ROBO1: variants seen among roughly 807,000 people sequenced by gnomAD.
ROBO1 encodes the protein roundabout guidance receptor 1.
A neutral mutation model predicts 195.9 loss-of-function variants in ROBO1; 149 were observed. That is an observed-to-expected ratio of 0.76 (90% CI 0.67 to 0.87). The LOEUF is 0.87. Ranked by LOEUF, ROBO1 falls within the 40% of genes least tolerant of loss-of-function variation. ROBO1 has a pLI of 0.00. For missense variants in ROBO1, 1,933 were observed against 2,068.3 expected (o/e 0.93, Z 1.27); for synonymous variants, 816 against 733.2 (o/e 1.11, Z -1.82).
At chr3:78,732,815 G>A (rs979990396) in intron 5 of ROBO1, among the ~76,000 whole-genome samples, 1 of 152,076 alleles carries the variant, frequency 6.6e-6, no homozygotes, top group African/African-American at 2.4e-5. Flanking sequence ...CTTTTGAAAT[G>A]TTCCCATACA....
intron 3 of ROBO1, among the ~76,000 whole-genome samples, chr3:78,956,149 C>CA (rs2041036931): frequency 6.6e-6 from 1 of 152,032 alleles, no homozygotes; most frequent in Non-Finnish European, 1.5e-5. Context: ...TCCTATAGTA[C>CA]ATACTTTAGT....
intron 5 of ROBO1, among the ~76,000 whole-genome samples, chr3:78,736,322 G>A (rs2082391426): frequency 6.6e-6 from 1 of 152,072 alleles, no homozygotes; most frequent in Non-Finnish European, 1.5e-5. Flanking sequence ...AATACAGGTG[G>A]ACTTTCATAT....
chr3:79,399,597 C>T (rs2037286430), intron 2 of ROBO1, among the ~76,000 whole-genome samples: 1 of 152,150 alleles, frequency 6.6e-6, no homozygotes, highest in Non-Finnish European at 1.5e-5. Context: ...CATTCTGGCA[C>T]AGACATGTTT....
intron 6 of ROBO1, 84 bp downstream of exon 6, chr3:78,717,679 A>G (rs2081936115): frequency 6.8e-7 from 1 of 1,463,640 alleles, no homozygotes; most frequent in Non-Finnish European, 9.2e-7. Flanking sequence ...TTGGCTTAAC[A>G]ATTTTTCTTT....
intron 4 of ROBO1, among the ~76,000 whole-genome samples, chr3:78,789,420 C>A (rs976140433): frequency 1.3e-5 from 2 of 152,146 alleles, no homozygotes; most frequent in East Asian, 1.9e-4. Flanking sequence ...AATCTCTCAG[C>A]ACTTTGGAAT....
chr3:79,426,098 G>A (rs189543361), intron 2 of ROBO1, among the ~76,000 whole-genome samples: 13 of 152,088 alleles, frequency 8.5e-5, no homozygotes, highest in African/African-American at 2.2e-4. Context: ...CTGTAATTCC[G>A]TCTAGATACA....
At chr3:78,954,521 G>A (rs527334650) in intron 3 of ROBO1, among the ~76,000 whole-genome samples, 1 of 151,976 alleles carries the variant, frequency 6.6e-6, no homozygotes, top group Non-Finnish European at 1.5e-5. Flanking sequence ...TAATATAGTA[G>A]CTTATTTCAG....
intron 28 of ROBO1, among the ~76,000 whole-genome samples, chr3:78,612,028 T>C (rs1385550528): frequency 6.6e-6 from 1 of 152,170 alleles, no homozygotes. Context: ...AGCAAACTAA[T>C]ACAAGGATTA....
At chr3:78,650,958 T>A (rs376098564) in intron 19 of ROBO1, among the ~76,000 whole-genome samples, 20 of 152,300 alleles carry the variant, frequency 1.3e-4, no homozygotes, top group African/African-American at 4.6e-4. Flanking sequence ...TGGAGGATCA[T>A]CTGTCTGACA....
intron 3 of ROBO1, among the ~76,000 whole-genome samples, chr3:79,071,973 C>T (rs1215541928): frequency 6.6e-6 from 1 of 151,848 alleles, no homozygotes; most frequent in Admixed American, 6.6e-5. Context: ...AAACTGCTCA[C>T]TCTCTCAATC....
rs568600855 is a variant in ROBO1 at position 79,432,740 on chromosome 3, G to T, written c.88+157084C>A. Among the ~76,000 whole-genome samples the T allele has an allele frequency of 2.6e-5, 4 of 152,072 alleles. No homozygotes were observed. In the South Asian group the frequency reaches 8.3e-4, roughly 32 times the overall value. On this transcript the variant is annotated intron_variant, in intron 2 of 30. Coordinates refer to ENST00000464233, the MANE Select transcript of ROBO1 (RefSeq NM_002941.4). ...CACTCAGGGTTCTCATCAGTTTCAG[G>T]CTGCTTACTGAATCATGCTGTTTTA... is the stretch of plus-strand genomic sequence containing the variant.
intron 1 of ROBO1, among the ~76,000 whole-genome samples, chr3:79,759,805 G>A (rs561963823): frequency 7.9e-5 from 12 of 152,258 alleles, no homozygotes; most frequent in Admixed American, 1.3e-4. Flanking sequence ...CTCACATGAG[G>A]ACAGATGCCA....
intron 1 of ROBO1, among the ~76,000 whole-genome samples, chr3:79,747,517 A>G (rs949020710): frequency 1.3e-5 from 2 of 152,098 alleles, no homozygotes; most frequent in African/African-American, 4.8e-5. Context: ...CAGAGAGCTA[A>G]AAGTAATGAG....
At chr3:78,952,314 G>T (rs2040832420) in intron 3 of ROBO1, among the ~76,000 whole-genome samples, 1 of 150,386 alleles carries the variant, frequency 6.6e-6, no homozygotes, top group African/African-American at 2.4e-5. Context: ...AATTAATAGA[G>T]AATTTGGCGA....
intron 3 of ROBO1, among the ~76,000 whole-genome samples, chr3:79,015,549 G>A (rs1203481155): frequency 1.3e-5 from 2 of 152,128 alleles, no homozygotes; most frequent in African/African-American, 4.8e-5. Context: ...TTTAGAATCA[G>A]ATCCTGAGAG....
At chr3:79,220,780 C>G (rs2082123798) in intron 2 of ROBO1, among the ~76,000 whole-genome samples, 1 of 151,958 alleles carries the variant, frequency 6.6e-6, no homozygotes, top group Non-Finnish European at 1.5e-5. Flanking sequence ...CTAGGTAAAA[C>G]TAGGTAATTG....
chr3:79,067,521 G>C (rs1326032671), intron 3 of ROBO1, among the ~76,000 whole-genome samples: 3 of 152,014 alleles, frequency 2.0e-5, no homozygotes, highest in African/African-American at 7.2e-5. Context: ...GTGACTTAGG[G>C]CAGCTTATTC....
At chr3:78,844,356 T>C (rs943856430) in intron 4 of ROBO1, among the ~76,000 whole-genome samples, 2 of 152,074 alleles carry the variant, frequency 1.3e-5, no homozygotes, top group East Asian at 1.9e-4. Flanking sequence ...TTTAACCTCC[T>C]TTTTCTGGAT....
In ROBO1 at chr3:78,618,011, T is replaced by C. The variant is rs201690855; in HGVS notation, c.3906A>G (p.Pro1302=). The part of the protein sequence containing the change: ...RRQPVSPPPP[P]RPISPPHTYG... Reference sequence around the variant, plus strand: ...AGGTATGTGGAGGGGAGATCGGCCGTGGTGGTGGAGGAGGACTCACAGGCT... The same window carrying C: ...AGGTATGTGGAGGGGAGATCGGCCGCGGTGGTGGAGGAGGACTCACAGGCT... Residue 1302 remains proline (P), a synonymous_variant, in exon 27 of 31, where the codon CCA becomes CCG. Transcript: ENST00000464233. 6.2e-7 allele frequency: 1 copy of C among 1,613,298 alleles called. No individual in the cohort carries two copies. Among genetic ancestry groups the C allele is most frequent in the African/African-American group, 1.3e-5 (1 of 74,894 alleles).
Sources: allele counts gnomAD v4.1 joint callset (sites outside exome capture counted in the v4.1 genomes callset), GRCh38; gene constraint gnomAD v4.1.1; transcripts MANE v1.5; gene names NCBI Gene and HGNC (gene_info 2026-07-23, HGNC 2026-07-21).